KLRG2: variants seen among roughly 807,000 people sequenced by gnomAD.
The protein encoded by KLRG2 is killer cell lectin like receptor G2, also known as killer cell lectin-like receptor subfamily G member 2.
A neutral mutation model predicts 35.4 loss-of-function variants in KLRG2; 39 were observed. The observed-to-expected ratio is 1.10, with a 90% CI of 0.85 to 1.44. The LOEUF (loss-of-function observed/expected upper bound fraction) is 1.44, where lower values mean the gene tolerates loss of function less well. Ranked by LOEUF, KLRG2 falls within the 40% of genes most tolerant of loss-of-function variation. KLRG2 has a pLI of 0.00. For synonymous variants in KLRG2, 283 were observed against 265.8 expected, an observed-to-expected ratio of 1.06 and a Z score of -0.63; for missense variants, 632 against 570.9, an observed-to-expected ratio of 1.11 and a Z score of -1.09.
At chr7:139,433,318 TTTTG>T in the KLRG2 span, among the ~76,000 whole-genome samples, 66 of 145,000 alleles carry the variant, frequency 4.6e-4, no homozygotes, top group East Asian at 7.7e-4. Context: ...GTGGTTTTTT[TTTTG>T]TTTGTTTGTT....
chr7:139,433,761 G>A, the KLRG2 span, among the ~76,000 whole-genome samples: 1,119 of 151,060 alleles, frequency 7.4e-3, 7 homozygotes, highest in Non-Finnish European at 8.2e-3. Flanking sequence ...TCAGCCTCCT[G>A]AATAGCCGGG....
At chr7:139,447,463 C>T in the KLRG2 span, among the ~76,000 whole-genome samples, 2 of 149,026 alleles carry the variant, frequency 1.3e-5, no homozygotes, top group Admixed American at 6.7e-5. Flanking sequence ...TGCAGTGGTA[C>T]GATCTCAGCT....
rs28399799 is a variant in KLRG2 at position 139,455,423 on chromosome 7, G to A, written c.1006-1209C>T. Reference sequence around the variant, plus strand: ...TGCAAGCTCTGTCTCCTGGGTTCACGCCATTCTCCTGCCTCAGCCTCCCGA... The same window carrying A: ...TGCAAGCTCTGTCTCCTGGGTTCACACCATTCTCCTGCCTCAGCCTCCCGA... On this transcript the variant is annotated intron_variant, in intron 3 of 4. Coordinates refer to ENST00000340940, the MANE Select transcript of KLRG2 (RefSeq NM_198508.4). Among the ~76,000 whole-genome samples the A allele has an allele frequency of 1.0e-2, 1,501 of 150,218 alleles. 24 individuals are homozygous for A. The highest frequency in any genetic ancestry group is 0.031 in the African/African-American group (1,268 of 40,774).
chr7:139,440,800 A>G, the KLRG2 span, among the ~76,000 whole-genome samples: 1 of 152,188 alleles, frequency 6.6e-6, no homozygotes, highest in Non-Finnish European at 1.5e-5. Flanking sequence ...ATTAATAAGT[A>G]TTGGGAATTA....
chr7:139,467,488 C>T (rs552147533), intron 3 of KLRG2, among the ~76,000 whole-genome samples: 4 of 152,036 alleles, frequency 2.6e-5, no homozygotes, highest in Non-Finnish European at 5.9e-5. Flanking sequence ...TTGTTCTGTA[C>T]TAAAAAAAAT....
In KLRG2 at chr7:139,482,873, G is replaced by A; in HGVS notation, c.757+13C>T. The A allele has an allele frequency of 7.0e-7, 1 of 1,428,608 alleles. No homozygotes were observed. Among genetic ancestry groups the A allele is most frequent in the Admixed American group, 2.9e-5 (1 of 34,064 alleles). 88.5% of individuals were successfully genotyped at this position (1,428,608 alleles called of 1,614,324 possible). A position where few individuals can be genotyped will look rare whatever the true frequency, so the allele number is the denominator to read the frequency against. On this transcript the variant is annotated intron_variant, in intron 1 of 4. Coordinates refer to ENST00000340940, the MANE Select transcript of KLRG2 (RefSeq NM_198508.4). ...CCTGGCGGCGTCGGCTGCCGGCGCAGGTGAGCACTCACCCGTAAGCGTTAC... is the reference window on the plus strand; with the variant it reads ...CCTGGCGGCGTCGGCTGCCGGCGCAAGTGAGCACTCACCCGTAAGCGTTAC...
At chr7:139,463,790 C>T (rs532363055) in intron 3 of KLRG2, among the ~76,000 whole-genome samples, 73 of 152,324 alleles carry the variant, frequency 4.8e-4, no homozygotes, top group Non-Finnish European at 8.8e-4. Context: ...GCCTCAGAAG[C>T]TTCCTGGACC....
At chr7:139,450,563 G>A (rs933526638), downstream of KLRG2, among the ~76,000 whole-genome samples, 3 of 151,962 alleles carry the variant, frequency 2.0e-5, no homozygotes, top group Non-Finnish European at 4.4e-5. Context: ...GTCCCACAGG[G>A]ACTTACAAAG....
At chr7:139,450,002 A>G (rs1188641332), downstream of KLRG2, among the ~76,000 whole-genome samples, 2 of 150,736 alleles carry the variant, frequency 1.3e-5, no homozygotes, top group Non-Finnish European at 3.0e-5. Flanking sequence ...TGCCCGGCCT[A>G]TATCCTTATT....
chr7:139,467,570 TCCA>T (rs1796685803), intron 3 of KLRG2, among the ~76,000 whole-genome samples: 1 of 152,076 alleles, frequency 6.6e-6, no homozygotes, highest in African/African-American at 2.4e-5. Context: ...ATGTGCTGTG[TCCA>T]CTCAGGGTTA....
At chr7:139,481,250 G>A (rs990392142) in intron 1 of KLRG2, among the ~76,000 whole-genome samples, 9 of 152,182 alleles carry the variant, frequency 5.9e-5, no homozygotes, top group Admixed American at 3.9e-4. Context: ...TTAGACCAGT[G>A]AGCCGGCATT....
chr7:139,453,444 G>A lies in KLRG2; in HGVS notation c.*143C>T. On this transcript the variant is annotated 3_prime_UTR_variant, in exon 5 of 5. Coordinates refer to ENST00000340940, the MANE Select transcript of KLRG2 (RefSeq NM_198508.4). ...TTCCTGGGTTGAAGTCCAGCTCCTA[G>A]GCTCGCTCATGTGGCCCCCTTGAGC... The A allele has an allele frequency of 1.2e-6, 1 of 811,554 alleles. No homozygotes were observed. Among genetic ancestry groups the A allele is most frequent in the Non-Finnish European group, 1.9e-6 (1 of 528,632 alleles). 50.3% of individuals were successfully genotyped at this position (811,554 alleles called of 1,614,324 possible). A position where few individuals can be genotyped will look rare whatever the true frequency, so the allele number is the denominator to read the frequency against.
At chr7:139,449,923 G>A (rs565918918), downstream of KLRG2, among the ~76,000 whole-genome samples, 154 of 151,370 alleles carry the variant, frequency 1.0e-3, no homozygotes, top group South Asian at 3.5e-3. Context: ...GGATGGTCTC[G>A]ATCTCCTGAC....
At chr7:139,482,046 T>C (rs1057495324) in intron 1 of KLRG2, among the ~76,000 whole-genome samples, 6 of 152,224 alleles carry the variant, frequency 3.9e-5, no homozygotes, top group African/African-American at 1.4e-4. Context: ...TTGTGGGCTC[T>C]TTCTTCTGTG....
At chr7:139,433,861 T>C in the KLRG2 span, among the ~76,000 whole-genome samples, 1 of 151,972 alleles carries the variant, frequency 6.6e-6, no homozygotes, top group South Asian at 2.1e-4. Flanking sequence ...GGTCTCGAAC[T>C]CCTGACCTCA....
At chr7:139,478,878 T>G (rs1328674614) in intron 3 of KLRG2, among the ~76,000 whole-genome samples, 1 of 151,956 alleles carries the variant, frequency 6.6e-6, no homozygotes, top group Admixed American at 6.6e-5. Context: ...AAAGCTGAGC[T>G]GTCCAGCCAA....
At chr7:139,445,797 G>GTGTATATATATATATATATATATGTA in the KLRG2 span, among the ~76,000 whole-genome samples, 8 of 99,044 alleles carry the variant, frequency 8.1e-5, no homozygotes, top group Non-Finnish European at 1.3e-4. Flanking sequence ...ATATATGTGT[G>GTGTATATATATATATATATATATGTA]TATATATATA....
At chr7:139,475,883 C>T (rs972962308) in intron 3 of KLRG2, among the ~76,000 whole-genome samples, 11 of 151,634 alleles carry the variant, frequency 7.3e-5, no homozygotes, top group East Asian at 3.9e-4. Context: ...AAGCTATCTC[C>T]GGGAAAACAG....
rs1251691846 is a variant in KLRG2 at position 139,454,117 on chromosome 7, G to A, written c.1103C>T (p.Pro368Leu). ...AAAGCCCGTGGTCACTCACAGCTGG[G>A]GCGGGAGTGGGGCCTCGTCGATCCA... The part of the protein sequence containing the change: ...WHWIDEAPLP[P>L]QLLPEDGEDN... The change falls in exon 4 of 5, where the codon CCC (proline) becomes CTC (leucine). Residue 368 changes from proline to leucine, a missense_variant. Transcript: ENST00000340940. 1 of 1,530,380 alleles carries A rather than the reference G, an allele frequency of 6.5e-7. No individual in the cohort carries two copies. The highest frequency in any genetic ancestry group is 8.9e-7 in the Non-Finnish European group (1 of 1,128,482). 94.8% of individuals were successfully genotyped at this position (1,530,380 alleles called of 1,614,324 possible).
Sources: gnomAD v4.1 joint callset for allele counts (sites outside exome capture counted in the v4.1 genomes callset) on GRCh38, gnomAD v4.1.1 for gene constraint, MANE v1.5 for transcripts, NCBI Gene and HGNC (gene_info 2026-07-23, HGNC 2026-07-21) for gene names.